The following COL15A1 variants were observed in gnomAD, a reference collection of about 807,000 sequenced individuals.
The protein encoded by COL15A1 is collagen alpha-1(XV) chain.
Under a neutral mutation model 165.9 loss-of-function variants are expected in COL15A1, and 111 were observed. The ratio of observed to expected loss-of-function variants is 0.67; its 90% CI spans 0.57 to 0.78. The LOEUF is 0.78. COL15A1 is among the 30% of genes least tolerant of loss of function. COL15A1 has a pLI of 0.00. For synonymous variants in COL15A1, 659 were observed against 674.8 expected (o/e 0.98, Z 0.36); for missense variants, 1,745 against 1,789.7 (o/e 0.98, Z 0.45).
intron 2 of COL15A1, among the ~76,000 whole-genome samples, chr9:98,968,847 T>C (rs1168299263): frequency 2.0e-5 from 3 of 152,208 alleles, no homozygotes; most frequent in Admixed American, 6.5e-5. Flanking sequence ...AGGTTCCAGC[T>C]TCTGGTCAGC....
intron 30 of COL15A1, among the ~76,000 whole-genome samples, chr9:99,051,153 C>G (rs1369952266): frequency 6.6e-6 from 1 of 152,182 alleles, no homozygotes; most frequent in Non-Finnish European, 1.5e-5. Context: ...CCAGGTCACA[C>G]AGTGAGTCAG....
chr9:99,058,582 A>C (rs1435690697), intron 35 of COL15A1, among the ~76,000 whole-genome samples: 1 of 152,206 alleles, frequency 6.6e-6, no homozygotes, highest in Non-Finnish European at 1.5e-5. Context: ...TGCTGCATTG[A>C]GCAAGGATTG....
At chr9:98,956,053 C>G (rs1337582836) in intron 2 of COL15A1, among the ~76,000 whole-genome samples, 2 of 152,218 alleles carry the variant, frequency 1.3e-5, no homozygotes, top group African/African-American at 2.4e-5. Flanking sequence ...TGCCTATAAT[C>G]CCAGCACTTT....
chr9:99,006,279 A>G (rs1385220846), intron 9 of COL15A1, among the ~76,000 whole-genome samples: 1 of 152,238 alleles, frequency 6.6e-6, no homozygotes, highest in African/African-American at 2.4e-5. Flanking sequence ...TCCCTACCAG[A>G]ATGTAAGCTC....
At chr9:99,032,653 A>G (rs903926950) in intron 16 of COL15A1, among the ~76,000 whole-genome samples, 3 of 152,118 alleles carry the variant, frequency 2.0e-5, no homozygotes, top group African/African-American at 4.8e-5. Context: ...TGCCACTCCA[A>G]TTAAACCGAT....
intron 19 of COL15A1, 42 bp downstream of exon 19, chr9:99,035,460 T>G (rs759239337): frequency 1.2e-6 from 2 of 1,612,554 alleles, no homozygotes; most frequent in South Asian, 1.1e-5. Flanking sequence ...GTTGTCACAC[T>G]GTCACACTAC....
intron 9 of COL15A1, among the ~76,000 whole-genome samples, chr9:99,014,356 T>C (rs914780751): frequency 1.3e-5 from 2 of 152,164 alleles, no homozygotes; most frequent in Non-Finnish European, 2.9e-5. Flanking sequence ...CCTTCCATCA[T>C]CCTAGAAGCA....
At chr9:98,951,728 A>G (rs1837690711) in intron 2 of COL15A1, among the ~76,000 whole-genome samples, 1 of 151,264 alleles carries the variant, frequency 6.6e-6, no homozygotes, top group Admixed American at 6.8e-5. Context: ...CAGCTAATTT[A>G]AAAATTTTTT....
chr9:99,032,250 T>C (rs1236091901), intron 16 of COL15A1, among the ~76,000 whole-genome samples: 1 of 152,180 alleles, frequency 6.6e-6, no homozygotes, highest in Non-Finnish European at 1.5e-5. Context: ...AGTCACGCAG[T>C]GGTGCGATCT....
chr9:99,044,111 G>A (rs1460172442), intron 24 of COL15A1, among the ~76,000 whole-genome samples: 3 of 152,088 alleles, frequency 2.0e-5, no homozygotes, highest in African/African-American at 7.2e-5. Flanking sequence ...TTCTTGGTGG[G>A]AACAGATCTC....
At chr9:98,977,569 G>C (rs2060002912) in intron 2 of COL15A1, among the ~76,000 whole-genome samples, 1 of 152,236 alleles carries the variant, frequency 6.6e-6, no homozygotes, top group Non-Finnish European at 1.5e-5. Flanking sequence ...AGGATGTGGT[G>C]GGGGTTGCTG....
chr9:98,954,852 A>G (rs1295025238), intron 2 of COL15A1, among the ~76,000 whole-genome samples: 1 of 152,226 alleles, frequency 6.6e-6, no homozygotes, highest in African/African-American at 2.4e-5. Flanking sequence ...AGGTAAAGGA[A>G]CAGTGCCACC....
intron 16 of COL15A1, among the ~76,000 whole-genome samples, chr9:99,031,279 G>A (rs1220504950): frequency 6.6e-6 from 1 of 152,140 alleles, no homozygotes; most frequent in East Asian, 1.9e-4. Flanking sequence ...CCATTCCTAG[G>A]CCAAGAACTG....
rs556224240 is a variant in COL15A1 at position 98,973,500 on chromosome 9, A to T, written c.101-12065A>T. ...TCTTTTTTAAGAAATGCATCGGGTG[A>T]TAGGTTTTTCTAAGAACCTCTCGCA... On this transcript the variant is annotated intron_variant, in intron 2 of 41. Transcript: ENST00000375001. Among the ~76,000 whole-genome samples the T allele has an allele frequency of 3.9e-5, 6 of 152,296 alleles. No individual in the cohort carries two copies. In the East Asian group the frequency reaches 1.2e-3, roughly 29 times the overall value.
intron 2 of COL15A1, among the ~76,000 whole-genome samples, chr9:98,978,230 C>A (rs138336751): frequency 6.6e-6 from 1 of 152,318 alleles, no homozygotes; most frequent in East Asian, 1.9e-4. Flanking sequence ...TTGCCACATG[C>A]AAGCCTGGAT....
In COL15A1 at chr9:99,018,773, A is replaced by C. The variant is rs552438739; in HGVS notation, c.1648-1616A>C. 9.2e-5 allele frequency among the ~76,000 whole-genome samples: 14 copies of C among 152,370 alleles called. No homozygotes were observed. The South Asian group carries it at 2.3e-3, about 25-fold the overall frequency. ...GAAAGAAGCTGGTTGTAAACCTAGT[A>C]TATTGTGTGGTTAACTATTTAAAAA... On this transcript the variant is annotated intron_variant, in intron 11 of 41. Coordinates refer to ENST00000375001, the MANE Select transcript of COL15A1 (RefSeq NM_001855.5).
chr9:98,982,308 A>G (rs1490832439), intron 2 of COL15A1, among the ~76,000 whole-genome samples: 1 of 152,154 alleles, frequency 6.6e-6, no homozygotes, highest in Non-Finnish European at 1.5e-5. Context: ...TTATTTATCC[A>G]TTGTTTTTCA....
At chr9:98,964,965 C>A (rs1477745034) in intron 2 of COL15A1, among the ~76,000 whole-genome samples, 1 of 152,204 alleles carries the variant, frequency 6.6e-6, no homozygotes, top group Non-Finnish European at 1.5e-5. Flanking sequence ...GCTGAATTCA[C>A]ACAAGCTCAT....
chr9:98,970,402 A>C (rs1838027661), intron 2 of COL15A1, among the ~76,000 whole-genome samples: 1 of 152,254 alleles, frequency 6.6e-6, no homozygotes, highest in Non-Finnish European at 1.5e-5. Context: ...AGGGAAATGC[A>C]GAAAATGTAC....
Sources: gnomAD v4.1 joint callset for allele counts (sites outside exome capture counted in the v4.1 genomes callset) on GRCh38, gnomAD v4.1.1 for gene constraint, MANE v1.5 for transcripts, NCBI Gene and HGNC (gene_info 2026-07-23, HGNC 2026-07-21) for gene names.